Variants in NSMAF observed in about 807,000 individuals in gnomAD.
NSMAF encodes protein FAN.
Under a neutral mutation model 134.9 loss-of-function variants are expected in NSMAF, and 90 were observed. That is an observed-to-expected ratio of 0.67 (90% CI 0.56 to 0.79). The LOEUF is 0.79. Ranked by LOEUF, NSMAF falls within the 30% of genes least tolerant of loss-of-function variation. The pLI, the probability that NSMAF is intolerant of heterozygous loss-of-function variation, is 0.00. For missense variants in NSMAF, 1,010 were observed against 1,119.0 expected (o/e 0.90, Z 1.39); for synonymous variants, 358 against 389.6 (o/e 0.92, Z 0.96).
At chr8:58,608,296 A>C (rs1806453731) in intron 10 of NSMAF, among the ~76,000 whole-genome samples, 1 of 152,212 alleles carries the variant, frequency 6.6e-6, no homozygotes, top group Admixed American at 6.5e-5. Flanking sequence ...CAGTGTATTA[A>C]GGCTCACAGA....
At chr8:58,609,452 T>C in intron 10 of NSMAF, 152 bp downstream of exon 10, 1 of 693,686 alleles carries the variant, frequency 1.4e-6, no homozygotes, top group East Asian at 2.6e-5. Context: ...ACACACGGTG[T>C]TTGTAAAATA....
At chr8:58,659,013 G>A (rs542524044) in intron 1 of NSMAF, among the ~76,000 whole-genome samples, 59 of 152,292 alleles carry the variant, frequency 3.9e-4, no homozygotes, top group South Asian at 2.7e-3. Flanking sequence ...CAGCCTTCCA[G>A]GGCATGGAGC....
At chr8:58,655,679 G>A (rs563823591) in intron 1 of NSMAF, among the ~76,000 whole-genome samples, 3 of 152,090 alleles carry the variant, frequency 2.0e-5, no homozygotes, top group African/African-American at 7.2e-5. Flanking sequence ...AGGCCGAGGC[G>A]GGCGGATCAC....
intron 11 of NSMAF, among the ~76,000 whole-genome samples, chr8:58,606,451 T>C (rs1361786020): frequency 6.6e-6 from 1 of 152,220 alleles, no homozygotes; most frequent in African/African-American, 2.4e-5. Context: ...GGTCCTGCTC[T>C]GTTGCCCAGG....
chr8:58,648,768 G>A (rs1807516345), intron 1 of NSMAF, among the ~76,000 whole-genome samples: 1 of 152,242 alleles, frequency 6.6e-6, no homozygotes, highest in African/African-American at 2.4e-5. Context: ...TGTTAGGTGT[G>A]CAGGTGCACA....
chr8:58,608,077 A>T (rs1806448471), intron 10 of NSMAF, among the ~76,000 whole-genome samples: 1 of 152,228 alleles, frequency 6.6e-6, no homozygotes, highest in African/African-American at 2.4e-5. Flanking sequence ...TGCAAATGAT[A>T]ATGCAATCAT....
intron 10 of NSMAF, among the ~76,000 whole-genome samples, chr8:58,609,229 C>G (rs1806471992): frequency 6.6e-6 from 1 of 152,140 alleles, no homozygotes; most frequent in Non-Finnish European, 1.5e-5. Context: ...TATATATAAG[C>G]AAATATATTT....
intron 9 of NSMAF, among the ~76,000 whole-genome samples, chr8:58,611,537 T>C (rs1394447327): frequency 2.0e-5 from 3 of 152,018 alleles, no homozygotes; most frequent in South Asian, 4.2e-4. Flanking sequence ...GAACAAAAGA[T>C]GGACAACACA....
In NSMAF at chr8:58,614,640, C is replaced by T. The variant is rs370789114; in HGVS notation, c.558-4907G>A. Among the ~76,000 whole-genome samples the T allele has an allele frequency of 2.0e-5, 3 of 152,334 alleles. No individual in the cohort carries two copies. The South Asian group carries it at 6.2e-4, about 32-fold the overall frequency. On this transcript the variant is annotated intron_variant, in intron 9 of 30. Transcript: ENST00000038176. ...TAAGCTTGCTTCAAGCTGGCCCACC[C>T]CTTTGGAGAAGTGTGTATAAAAGTC...
At chr8:58,626,141 C>T (rs1278904915) in intron 6 of NSMAF, among the ~76,000 whole-genome samples, 2 of 127,850 alleles carry the variant, frequency 1.6e-5, no homozygotes, top group Non-Finnish European at 3.1e-5. Flanking sequence ...GTCACCCAGG[C>T]TGGATGGAGT....
intron 1 of NSMAF, among the ~76,000 whole-genome samples, chr8:58,657,239 A>C (rs745800005): frequency 6.6e-6 from 1 of 152,224 alleles, no homozygotes; most frequent in Non-Finnish European, 1.5e-5. Flanking sequence ...CAACCTAACA[A>C]TAAGAGAAAT....
At chr8:58,638,023 A>G (rs548640877) in intron 2 of NSMAF, among the ~76,000 whole-genome samples, 2 of 152,360 alleles carry the variant, frequency 1.3e-5, no homozygotes, top group South Asian at 4.1e-4. Flanking sequence ...ATTGACCCAC[A>G]AAATAAACAA....
chr8:58,600,000 G>A lies in NSMAF; in HGVS notation c.1302C>T (p.Asn434=), dbSNP rs1241906027. 7 of 1,613,632 alleles carry A rather than the reference G, an allele frequency of 4.3e-6. No individual in the cohort carries two copies. The Middle Eastern group carries it at 6.6e-4, about 152-fold the overall frequency. The change falls in exon 17 of 31, where the codon AAC becomes AAT. Residue 434 remains asparagine, a synonymous_variant. Transcript: ENST00000038176. ...MFNSIAETWK[N]CLDGATDFKE... is the part of the protein sequence containing the mutation. Reference sequence around the variant, plus strand: ...TAAAATCCGTTGCACCATCCAGACAGTTTTTCCAAGTTTCTGCAATACTAC... The same window carrying A: ...TAAAATCCGTTGCACCATCCAGACAATTTTTCCAAGTTTCTGCAATACTAC...
At chr8:58,640,730 A>G (rs1563542646) in intron 2 of NSMAF, among the ~76,000 whole-genome samples, 1 of 151,984 alleles carries the variant, frequency 6.6e-6, no homozygotes, top group Non-Finnish European at 1.5e-5. Flanking sequence ...TTTTTAATAT[A>G]TAATTGTAAT....
At chr8:58,641,096 A>AT (rs1235728260) in intron 2 of NSMAF, among the ~76,000 whole-genome samples, 3 of 151,248 alleles carry the variant, frequency 2.0e-5, no homozygotes, top group East Asian at 3.9e-4. Flanking sequence ...TAATTTTTGT[A>AT]TTTTAGCAGA....
intron 1 of NSMAF, among the ~76,000 whole-genome samples, chr8:58,647,137 C>A (rs1412704175): frequency 2.6e-5 from 4 of 152,158 alleles, no homozygotes. Flanking sequence ...AGAAGTGTAA[C>A]CCAAACTTAT....
intron 6 of NSMAF, among the ~76,000 whole-genome samples, chr8:58,630,241 A>C (rs544243676): frequency 3.3e-5 from 5 of 151,998 alleles, no homozygotes; most frequent in South Asian, 2.1e-4. Flanking sequence ...GTGTTGCTGA[A>C]TCAGTGTCTT....
intron 5 of NSMAF, among the ~76,000 whole-genome samples, chr8:58,633,192 A>G (rs930266671): frequency 6.6e-6 from 1 of 152,176 alleles, no homozygotes; most frequent in Admixed American, 6.5e-5. Context: ...AAGGCCCCGC[A>G]TGACACGGTC....
At chr8:58,634,845 GT>G (rs1807132874) in intron 5 of NSMAF, among the ~76,000 whole-genome samples, 1 of 152,124 alleles carries the variant, frequency 6.6e-6, no homozygotes, top group Admixed American at 6.6e-5. Context: ...GTTGTCCTAA[GT>G]CCCTGAGATC....
Sources: gnomAD v4.1 joint callset for allele counts (sites outside exome capture counted in the v4.1 genomes callset) on GRCh38, gnomAD v4.1.1 for gene constraint, MANE v1.5 for transcripts, NCBI Gene and HGNC (gene_info 2026-07-23, HGNC 2026-07-21) for gene names.